PCSK2: variants seen among roughly 807,000 people sequenced by gnomAD.
PCSK2 encodes neuroendocrine convertase 2.
Under a neutral mutation model 69.7 loss-of-function variants are expected in PCSK2, and 14 were observed. The observed-to-expected ratio is 0.20, with a 90% CI of 0.13 to 0.31. PCSK2 has a LOEUF of 0.31. Ranked by LOEUF, PCSK2 falls within the 10% of genes least tolerant of loss-of-function variation. The probability of loss-of-function intolerance (pLI) is 1.00; values close to 1 mark genes in which losing one functional copy is unlikely to be tolerated. For synonymous variants in PCSK2, 307 were observed against 320.7 expected (o/e 0.96, Z 0.46); for missense variants, 544 against 842.5 (o/e 0.65, Z 4.39).
In PCSK2 at chr20:17,361,171, A is replaced by G. The variant is rs571625163; in HGVS notation, c.505+531A>G. ...CATTTTCATCATCACAGATAGTTAC[A>G]TTAGCGTGACTCTACATCCATAAAA... On this transcript the variant is annotated intron_variant, in intron 4 of 11. Transcript: ENST00000262545. 2.8e-4 allele frequency among the ~76,000 whole-genome samples: 43 copies of G among 152,352 alleles called. 1 individual carries two copies. Among genetic ancestry groups the G allele is most frequent in the African/African-American group, 9.9e-4 (41 of 41,580 alleles).
At chr20:17,288,230 C>T (rs1419350719) in intron 2 of PCSK2, among the ~76,000 whole-genome samples, 1 of 152,182 alleles carries the variant, frequency 6.6e-6, no homozygotes, top group East Asian at 1.9e-4. Flanking sequence ...TAACCTCTAC[C>T]TCAGCAGGTG....
intron 1 of PCSK2, among the ~76,000 whole-genome samples, chr20:17,246,675 G>A (rs376634292): frequency 1.3e-5 from 2 of 151,902 alleles, no homozygotes; most frequent in Non-Finnish European, 2.9e-5. Context: ...TTCCATGGGG[G>A]ACGTGGTCCA....
intron 2 of PCSK2, among the ~76,000 whole-genome samples, chr20:17,325,967 C>T (rs1004325424): frequency 3.9e-5 from 6 of 152,260 alleles, no homozygotes; most frequent in African/African-American, 1.4e-4. Context: ...CTAGCCCAGG[C>T]ATATTCCTCT....
chr20:17,362,763 G>A (rs1173339940), intron 4 of PCSK2, among the ~76,000 whole-genome samples: 3 of 152,214 alleles, frequency 2.0e-5, no homozygotes, highest in Non-Finnish European at 4.4e-5. Context: ...AAGTGGAAAG[G>A]AAATAAACTC....
chr20:17,340,345 G>A (rs193170525), intron 2 of PCSK2, among the ~76,000 whole-genome samples: 7 of 152,176 alleles, frequency 4.6e-5, no homozygotes, highest in African/African-American at 9.6e-5. Context: ...TGTCCTACAC[G>A]CCTATAATTT....
chr20:17,386,781 A>G (rs567081364), intron 5 of PCSK2, among the ~76,000 whole-genome samples: 26 of 152,210 alleles, frequency 1.7e-4, no homozygotes, highest in Non-Finnish European at 3.4e-4. Flanking sequence ...TTTATGTTAC[A>G]TATTTTTTAC....
At chr20:17,227,528 C>A in intron 1 of PCSK2, 46 bp downstream of exon 1, 1 of 1,461,274 alleles carries the variant, frequency 6.8e-7, no homozygotes, top group Admixed American at 1.8e-5. Flanking sequence ...AACGGGGGGA[C>A]GGGGGGGCAG....
At chr20:17,459,428 C>T (rs919318846) in intron 10 of PCSK2, among the ~76,000 whole-genome samples, 4 of 152,106 alleles carry the variant, frequency 2.6e-5, no homozygotes, top group African/African-American at 7.2e-5. Flanking sequence ...TTCTGTTGAG[C>T]GTCTACTAGG....
chr20:17,333,910 C>CATACATATATATATATATATATAT (rs1990270530), intron 2 of PCSK2, among the ~76,000 whole-genome samples: 3 of 86,414 alleles, frequency 3.5e-5, no homozygotes, highest in Admixed American at 2.9e-4. Context: ...TAAGTCACTG[C>CATACATATATATATATATATATAT]ATATATATAT....
At chr20:17,241,338 G>A (rs1457430110) in intron 1 of PCSK2, among the ~76,000 whole-genome samples, 1 of 152,212 alleles carries the variant, frequency 6.6e-6, no homozygotes, top group African/African-American at 2.4e-5. Context: ...GGCCAAAGAA[G>A]TGACCTGGGG....
chr20:17,371,578 A>C (rs2030764479), intron 5 of PCSK2, among the ~76,000 whole-genome samples: 1 of 152,180 alleles, frequency 6.6e-6, no homozygotes, highest in African/African-American at 2.4e-5. Flanking sequence ...AAAAATATGA[A>C]AAAGCATAAA....
chr20:17,320,544 T>C (rs1277340928), intron 2 of PCSK2, among the ~76,000 whole-genome samples: 1 of 152,124 alleles, frequency 6.6e-6, no homozygotes, highest in East Asian at 1.9e-4. Flanking sequence ...CACCATAAAG[T>C]GTGTGTTTTC....
At chr20:17,329,977 T>C (rs1289716052) in intron 2 of PCSK2, among the ~76,000 whole-genome samples, 7 of 152,290 alleles carry the variant, frequency 4.6e-5, no homozygotes, top group Non-Finnish European at 1.0e-4. Context: ...ACTGTGTACA[T>C]AATATGAAGT....
intron 5 of PCSK2, among the ~76,000 whole-genome samples, chr20:17,389,617 T>C (rs1325466268): frequency 1.3e-5 from 2 of 152,204 alleles, no homozygotes; most frequent in African/African-American, 4.8e-5. Flanking sequence ...ACTTACTGCC[T>C]GGGGTAAGGA....
intron 2 of PCSK2, among the ~76,000 whole-genome samples, chr20:17,264,692 T>C (rs1407726654): frequency 2.0e-5 from 3 of 152,360 alleles, no homozygotes; most frequent in East Asian, 3.9e-4. Flanking sequence ...AAAAGTTTCC[T>C]ATTCTTTAAA....
intron 8 of PCSK2, among the ~76,000 whole-genome samples, chr20:17,438,750 C>A (rs75582157): frequency 1.3e-5 from 2 of 152,230 alleles, no homozygotes; most frequent in African/African-American, 2.4e-5. Flanking sequence ...TTATGCCCCC[C>A]ACACCCAGGG....
At chr20:17,403,617 A>G (rs998678465) in intron 5 of PCSK2, among the ~76,000 whole-genome samples, 3 of 152,222 alleles carry the variant, frequency 2.0e-5, no homozygotes, top group African/African-American at 7.2e-5. Context: ...TTCAGCTAAT[A>G]CTGTTACACA....
intron 1 of PCSK2, among the ~76,000 whole-genome samples, chr20:17,255,650 AATTTTTTAAAACGTATTT>A (rs1987150025): frequency 1.3e-5 from 2 of 152,198 alleles, no homozygotes; most frequent in African/African-American, 4.8e-5. Context: ...CTTCATTCCT[AATTTTTTAAAACGTATTT>A]ATTATAAAAG....
intron 1 of PCSK2, among the ~76,000 whole-genome samples, chr20:17,255,931 G>A (rs150635698): frequency 3.9e-5 from 6 of 152,052 alleles, no homozygotes; most frequent in African/African-American, 9.6e-5. Context: ...TTTTCTTGTG[G>A]TATTTCTGTC....
Sources: allele counts gnomAD v4.1 joint callset (sites outside exome capture counted in the v4.1 genomes callset), GRCh38; gene constraint gnomAD v4.1.1; transcripts MANE v1.5; gene names NCBI Gene and HGNC (gene_info 2026-07-23, HGNC 2026-07-21).